The following CLVS2 variants were observed in gnomAD, a reference collection of about 807,000 sequenced individuals.
CLVS2 encodes clavesin-2.
Under a neutral mutation model 29.0 loss-of-function variants are expected in CLVS2, and 19 were observed. The observed-to-expected ratio is 0.66, with a 90% CI of 0.46 to 0.96. CLVS2 has a LOEUF of 0.96. Ranked by LOEUF, CLVS2 falls within the 40% of genes least tolerant of loss-of-function variation. The pLI is 0.00. For synonymous variants in CLVS2, 161 were observed against 151.3 expected (o/e 1.06, Z -0.47); for missense variants, 294 against 404.1 (o/e 0.73, Z 2.34).
At chr6:123,052,771 G>A (rs1166109031) in intron 4 of CLVS2, among the ~76,000 whole-genome samples, 1 of 150,810 alleles carries the variant, frequency 6.6e-6, no homozygotes, top group Non-Finnish European at 1.5e-5. Context: ...AGATAGGGAG[G>A]AGCATATTTG....
intron 3 of CLVS2, among the ~76,000 whole-genome samples, chr6:123,033,784 C>T (rs192348023): frequency 3.2e-4 from 48 of 151,912 alleles, no homozygotes; most frequent in Non-Finnish European, 5.2e-4. Flanking sequence ...GATAAGCCAC[C>T]GATGGGGAGA....
Position 123,067,374 on chromosome 6 carries a change from A to G in CLVS2, c.*3613A>G, listed in dbSNP as rs1772878617. 1 of 151,708 alleles carries G rather than the reference A, an allele frequency of 6.6e-6. No individual in the cohort carries two copies. Among genetic ancestry groups the G allele is most frequent in the South Asian group, 2.1e-4 (1 of 4,832 alleles). 9.4% of individuals were successfully genotyped at this position (151,708 alleles called of 1,614,324 possible). A position where few individuals can be genotyped will look rare whatever the true frequency, so the allele number is the denominator to read the frequency against. Reference sequence around the variant, plus strand: ...GGGATCATTTGCTTCTACAATGTAAAGGTTTATGGACATATCTCTGGTCCT... The same window carrying G: ...GGGATCATTTGCTTCTACAATGTAAGGGTTTATGGACATATCTCTGGTCCT... On this transcript the variant is annotated 3_prime_UTR_variant, in exon 6 of 6. Coordinates refer to ENST00000275162, the MANE Select transcript of CLVS2 (RefSeq NM_001010852.4).
intron 2 of CLVS2, among the ~76,000 whole-genome samples, chr6:123,008,736 G>T (rs1017100484): frequency 6.0e-5 from 9 of 150,278 alleles, no homozygotes; most frequent in Non-Finnish European, 1.2e-4. Context: ...CAGTCTTCCT[G>T]CTCCAACCTT....
intron 3 of CLVS2, among the ~76,000 whole-genome samples, chr6:123,043,946 A>T (rs118035039): frequency 0.028 from 4,247 of 152,298 alleles, 75 homozygotes; most frequent in Non-Finnish European, 0.04. Context: ...TATATGAATA[A>T]TTCACTGATA....
chr6:123,026,315 C>T (rs1775000576), intron 3 of CLVS2, among the ~76,000 whole-genome samples: 1 of 151,916 alleles, frequency 6.6e-6, no homozygotes, highest in African/African-American at 2.4e-5. Context: ...ACATATTTTG[C>T]TATTTGGAAC....
Position 122,997,717 on chromosome 6 carries a change from A to G in CLVS2, c.-61A>G, listed in dbSNP as rs1774531352. The G allele has an allele frequency of 6.5e-7, 1 of 1,550,356 alleles. No homozygotes were observed. Among genetic ancestry groups the G allele is most frequent in the African/African-American group, 1.4e-5 (1 of 73,530 alleles). On this transcript the variant is annotated 5_prime_UTR_variant, in exon 2 of 6. Coordinates refer to ENST00000275162, the MANE Select transcript of CLVS2 (RefSeq NM_001010852.4). ...CTGGAGTCTGGTGGTGGCAAGGACC[A>G]GGTTTGCTTTGGGACAGTCAACAAG...
chr6:123,061,237 C>T (rs776428557), intron 5 of CLVS2, among the ~76,000 whole-genome samples: 3 of 151,790 alleles, frequency 2.0e-5, no homozygotes, highest in African/African-American at 2.4e-5. Flanking sequence ...GCGGAGGTTG[C>T]GGTGAGCCGA....
At chr6:123,033,596 G>A (rs2114336771) in intron 3 of CLVS2, among the ~76,000 whole-genome samples, 1 of 152,072 alleles carries the variant, frequency 6.6e-6, no homozygotes, top group Non-Finnish European at 1.5e-5. Flanking sequence ...ATGAAAAACA[G>A]CAAACTGTAG....
intron 3 of CLVS2, among the ~76,000 whole-genome samples, chr6:123,016,364 G>A (rs1562165232): frequency 6.6e-6 from 1 of 151,144 alleles, no homozygotes; most frequent in African/African-American, 2.4e-5. Context: ...GGGTTACTGT[G>A]TTTTTTTAAT....
In CLVS2 at chr6:123,064,236, G is replaced by A. The variant is rs1389237849; in HGVS notation, c.*475G>A. On this transcript the variant is annotated 3_prime_UTR_variant, in exon 6 of 6. Coordinates refer to ENST00000275162, the MANE Select transcript of CLVS2 (RefSeq NM_001010852.4). ...TCTTAACGGGCACACACAACTAAGT[G>A]ATTCCAGGAAATTTTATGATTAATG... 2.0e-5 allele frequency: 3 copies of A among 152,132 alleles called. No individual in the cohort carries two copies. Among genetic ancestry groups the A allele is most frequent in the Non-Finnish European group, 4.4e-5 (3 of 68,052 alleles). The allele number at this position is 152,132 out of a possible 1,614,324, so 9.4% of individuals were successfully genotyped here. A position where few individuals can be genotyped will look rare whatever the true frequency, so the allele number is the denominator to read the frequency against.
chr6:123,053,317 C>T (rs1772642905), intron 4 of CLVS2, among the ~76,000 whole-genome samples: 1 of 152,128 alleles, frequency 6.6e-6, no homozygotes, highest in African/African-American at 2.4e-5. Flanking sequence ...ACACTCCAGC[C>T]TGGGTGACAG....
chr6:123,045,889 G>GT (rs1772494427), intron 3 of CLVS2, among the ~76,000 whole-genome samples: 2 of 152,104 alleles, frequency 1.3e-5, no homozygotes, highest in African/African-American at 2.4e-5. Context: ...TGGAAATGAT[G>GT]TTTTTGGAGC....
At chr6:123,056,767 T>G (rs1772698998) in intron 5 of CLVS2, among the ~76,000 whole-genome samples, 1 of 152,218 alleles carries the variant, frequency 6.6e-6, no homozygotes, top group South Asian at 2.1e-4. Context: ...GTAAGATTTC[T>G]TTTGAAGAAA....
intron 4 of CLVS2, among the ~76,000 whole-genome samples, chr6:123,050,396 C>A (rs1582662541): frequency 6.6e-6 from 1 of 152,224 alleles, no homozygotes; most frequent in Admixed American, 6.5e-5. Flanking sequence ...CTTACGACAC[C>A]ACTTTGGAGT....
intron 3 of CLVS2, among the ~76,000 whole-genome samples, chr6:123,019,634 G>GA (rs1359172341): frequency 1.3e-5 from 2 of 151,090 alleles, no homozygotes; most frequent in African/African-American, 2.4e-5. Context: ...AATTTAAAAA[G>GA]AAAAAAAAGG....
At chr6:123,039,764 G>T (rs978565209) in intron 3 of CLVS2, among the ~76,000 whole-genome samples, 1 of 152,176 alleles carries the variant, frequency 6.6e-6, no homozygotes. Context: ...TGCCCATTCA[G>T]TTATGATGAC....
intron 3 of CLVS2, among the ~76,000 whole-genome samples, chr6:123,036,380 C>T (rs906482910): frequency 6.6e-6 from 1 of 152,044 alleles, no homozygotes; most frequent in African/African-American, 2.4e-5. Flanking sequence ...CTCCAATTAA[C>T]CAAAATTAAT....
At chr6:123,061,301 A>C (rs1350986060) in intron 5 of CLVS2, among the ~76,000 whole-genome samples, 5 of 150,744 alleles carry the variant, frequency 3.3e-5, no homozygotes, top group Non-Finnish European at 5.9e-5. Context: ...TGCCTCAAAC[A>C]AAACAAAACC....
intron 3 of CLVS2, among the ~76,000 whole-genome samples, chr6:123,034,878 T>C (rs1490463214): frequency 6.6e-6 from 1 of 152,224 alleles, no homozygotes; most frequent in African/African-American, 2.4e-5. Context: ...CCTGTGAGTC[T>C]ATTATTATTT....
Sources: gnomAD v4.1 joint callset for allele counts (sites outside exome capture counted in the v4.1 genomes callset) on GRCh38, gnomAD v4.1.1 for gene constraint, MANE v1.5 for transcripts, NCBI Gene and HGNC (gene_info 2026-07-23, HGNC 2026-07-21) for gene names.